The following LRRC37A2 variants were observed in gnomAD, a reference collection of about 807,000 sequenced individuals.
LRRC37A2 encodes the protein leucine-rich repeat-containing protein 37A2.
In LRRC37A2, 9 loss-of-function variants were observed where a neutral mutation model predicts 68.8. The ratio of observed to expected loss-of-function variants is 0.13; its 90% CI spans 0.08 to 0.23. The LOEUF (loss-of-function observed/expected upper bound fraction) is 0.23, where lower values mean the gene tolerates loss of function less well. Among genes scored for constraint, LRRC37A2 ranks in the 10% least tolerant of loss-of-function variants. The pLI, the probability that LRRC37A2 is intolerant of heterozygous loss-of-function variation, is 1.00. For missense variants in LRRC37A2, 168 were observed against 950.4 expected (o/e 0.18, Z 10.82); for synonymous variants, 63 against 367.6 (o/e 0.17, Z 9.48).
At chr17:46,825,033 C>T in the LRRC37A2 span, among the ~76,000 whole-genome samples, 1 of 152,214 alleles carries the variant, frequency 6.6e-6, no homozygotes. Context: ...TTTCTCCTTC[C>T]CTTTCTTTCT....
the LRRC37A2 span, among the ~76,000 whole-genome samples, chr17:47,040,537 TG>T: frequency 7.1e-6 from 1 of 141,748 alleles, no homozygotes; most frequent in Non-Finnish European, 1.6e-5. Flanking sequence ...GAACTTCTTC[TG>T]TAAAGTCTCG....
At chr17:46,532,343 C>G (rs556436693) in intron 6 of LRRC37A2, among the ~76,000 whole-genome samples, 1 of 150,546 alleles carries the variant, frequency 6.6e-6, no homozygotes, top group East Asian at 1.9e-4. Flanking sequence ...AAGCATTTTT[C>G]CATCTACATT....
chr17:46,978,940 GC>G, the LRRC37A2 span: 7 of 1,455,060 alleles, frequency 4.8e-6, no homozygotes, highest in Non-Finnish European at 6.3e-6. Flanking sequence ...TCCCAGGGCG[GC>G]CCCGGCGCCG....
chr17:46,676,253 A>G, the LRRC37A2 span, among the ~76,000 whole-genome samples: 183 of 138,672 alleles, frequency 1.3e-3, 6 homozygotes, highest in African/African-American at 5.0e-3. Context: ...TTTTTTTGAG[A>G]TGGAGTTTTG....
chr17:47,001,498 TG>T, the LRRC37A2 span, among the ~76,000 whole-genome samples: 1 of 152,128 alleles, frequency 6.6e-6, no homozygotes, highest in African/African-American at 2.4e-5. Context: ...GCAGATTTAT[TG>T]AGGTATTGAC....
the LRRC37A2 span, chr17:46,872,548 C>T: frequency 7.6e-6 from 12 of 1,572,126 alleles, no homozygotes; most frequent in Non-Finnish European, 9.5e-6. Flanking sequence ...GACGCCCTTC[C>T]CAGGATTGGG....
At chr17:46,920,658 A>G in the LRRC37A2 span, among the ~76,000 whole-genome samples, 1 of 152,220 alleles carries the variant, frequency 6.6e-6, no homozygotes, top group Non-Finnish European at 1.5e-5. Context: ...CCACCCCTTC[A>G]TTAAGTCTCT....
At chr17:46,525,700 C>CTGG (rs1251184051) in intron 6 of LRRC37A2, among the ~76,000 whole-genome samples, 1 of 116,716 alleles carries the variant, frequency 8.6e-6, no homozygotes, top group Non-Finnish European at 1.9e-5. Context: ...ACTGGAATCA[C>CTGG]AGTTGATAAA....
chr17:46,750,844 C>CA, the LRRC37A2 span, among the ~76,000 whole-genome samples: 2,028 of 115,940 alleles, frequency 0.017, 40 homozygotes, highest in African/African-American at 0.047. Flanking sequence ...TTAGAAATGT[C>CA]AAAAAAAAAA....
At chr17:47,000,063 T>TAAAATAAAATAAAATA in the LRRC37A2 span, among the ~76,000 whole-genome samples, 20 of 17,726 alleles carry the variant, frequency 1.1e-3, 1 homozygote, top group East Asian at 8.2e-3. Flanking sequence ...TAAAATAAAA[T>TAAAATAAAATAAAATA]TAAAATAAAA....
chr17:47,020,428 C>T, the LRRC37A2 span, among the ~76,000 whole-genome samples: 1 of 148,156 alleles, frequency 6.7e-6, no homozygotes, highest in African/African-American at 2.6e-5. Context: ...ATATGTAGAA[C>T]TAGTTTTATG....
chr17:47,022,929 A>G, the LRRC37A2 span, among the ~76,000 whole-genome samples: 5 of 152,246 alleles, frequency 3.3e-5, no homozygotes, highest in Non-Finnish European at 7.3e-5. Context: ...TAGCATAGAT[A>G]TCTAGAAATG....
the LRRC37A2 span, among the ~76,000 whole-genome samples, chr17:46,947,670 C>T: frequency 3.3e-5 from 5 of 152,192 alleles, no homozygotes; most frequent in African/African-American, 1.2e-4. Flanking sequence ...GGCTAATCAC[C>T]CAAACCTCAG....
chr17:46,588,641 G>T, the LRRC37A2 span, among the ~76,000 whole-genome samples: 11 of 105,062 alleles, frequency 1.0e-4, no homozygotes, highest in East Asian at 3.0e-4. Flanking sequence ...TTCTGGATCT[G>T]GTAATTATTT....
the LRRC37A2 span, among the ~76,000 whole-genome samples, chr17:46,857,692 G>C: frequency 6.6e-6 from 1 of 152,112 alleles, no homozygotes; most frequent in Admixed American, 6.6e-5. Context: ...ATTTTACACA[G>C]TAATGTATGA....
the LRRC37A2 span, among the ~76,000 whole-genome samples, chr17:46,726,843 G>C: frequency 6.6e-6 from 1 of 152,026 alleles, no homozygotes; most frequent in Non-Finnish European, 1.5e-5. Context: ...TTTCTTGTAA[G>C]GGCCCATGTC....
chr17:46,812,002 C>T, the LRRC37A2 span, among the ~76,000 whole-genome samples: 7 of 152,250 alleles, frequency 4.6e-5, no homozygotes, highest in Middle Eastern at 3.4e-3. Flanking sequence ...GCCCAGGTGC[C>T]TTAGCTATTC....
the LRRC37A2 span, chr17:46,872,434 C>T: frequency 7.1e-7 from 1 of 1,413,848 alleles, no homozygotes; most frequent in Admixed American, 2.7e-5. Context: ...GTAAATGAAG[C>T]CCCTGAGGAG....
the LRRC37A2 span, among the ~76,000 whole-genome samples, chr17:46,741,009 C>G: frequency 2.0e-5 from 3 of 152,266 alleles, no homozygotes; most frequent in Non-Finnish European, 2.9e-5. Flanking sequence ...AGAGATCAGC[C>G]ATTGCTGATA....
Sources: allele counts gnomAD v4.1 joint callset (sites outside exome capture counted in the v4.1 genomes callset), GRCh38; gene constraint gnomAD v4.1.1; transcripts MANE v1.5; gene names NCBI Gene and HGNC (gene_info 2026-07-23, HGNC 2026-07-21).